The following COL25A1 variants were observed in gnomAD, a reference collection of about 807,000 sequenced individuals.
The protein encoded by COL25A1 is collagen type XXV alpha 1 chain.
In COL25A1, 103 loss-of-function variants were observed where a neutral mutation model predicts 128.4. The observed-to-expected ratio is 0.80, with a 90% CI of 0.68 to 0.94. The LOEUF is 0.94. COL25A1 is among the 40% of genes least tolerant of loss of function. The pLI, the probability that COL25A1 is intolerant of heterozygous loss-of-function variation, is 0.00. For synonymous variants in COL25A1, 279 were observed against 277.2 expected, an observed-to-expected ratio of 1.01 and a Z score of -0.06; for missense variants, 745 against 840.0, an observed-to-expected ratio of 0.89 and a Z score of 1.40.
intron 26 of COL25A1, among the ~76,000 whole-genome samples, chr4:108,851,443 T>C (rs72668330): frequency 0.059 from 8,967 of 152,250 alleles, 422 homozygotes; most frequent in Non-Finnish European, 0.093. Flanking sequence ...CGTGTGAGTG[T>C]GTGTTATGAC....
intron 3 of COL25A1, among the ~76,000 whole-genome samples, chr4:109,164,694 C>T (rs2189701): frequency 0.51 from 77,013 of 151,980 alleles, 21,970 homozygotes; most frequent in Non-Finnish European, 0.65. Context: ...AAGGATAGGA[C>T]CAAATAAAAT....
At chr4:108,890,427 T>A (rs1297643917) in intron 16 of COL25A1, among the ~76,000 whole-genome samples, 1 of 152,208 alleles carries the variant, frequency 6.6e-6, no homozygotes, top group African/African-American at 2.4e-5. Flanking sequence ...TCTGTTTTTT[T>A]ATAAGGCACT....
intron 5 of COL25A1, among the ~76,000 whole-genome samples, chr4:109,044,088 AGTGT>A (rs142400635): frequency 0.24 from 36,542 of 149,576 alleles, 5,112 homozygotes; most frequent in East Asian, 0.55. Context: ...CTCCTCTGAT[AGTGT>A]GTGTGTGTGT....
intron 3 of COL25A1, among the ~76,000 whole-genome samples, chr4:109,202,826 A>G (rs1329267240): frequency 6.6e-6 from 1 of 152,170 alleles, no homozygotes; most frequent in East Asian, 1.9e-4. Context: ...TGGAGATAAT[A>G]ATACTTTTGT....
At chr4:108,849,949 G>T (rs1030490253) in intron 26 of COL25A1, among the ~76,000 whole-genome samples, 1 of 152,096 alleles carries the variant, frequency 6.6e-6, no homozygotes, top group African/African-American at 2.4e-5. Flanking sequence ...AAAGCGGCGG[G>T]GGAAGGGCCT....
chr4:109,015,214 A>C (rs1240099970), intron 5 of COL25A1, among the ~76,000 whole-genome samples: 1 of 152,220 alleles, frequency 6.6e-6, no homozygotes, highest in African/African-American at 2.4e-5. Context: ...CATTTCCTTA[A>C]GTTGCTTCTG....
intron 6 of COL25A1, among the ~76,000 whole-genome samples, chr4:109,009,095 C>T (rs923049417): frequency 6.6e-6 from 1 of 152,152 alleles, no homozygotes; most frequent in Non-Finnish European, 1.5e-5. Context: ...GCACTCCAGC[C>T]TGGGCAACAG....
chr4:109,196,415 G>A (rs1776050537), intron 3 of COL25A1, among the ~76,000 whole-genome samples: 1 of 151,952 alleles, frequency 6.6e-6, no homozygotes, highest in Non-Finnish European at 1.5e-5. Flanking sequence ...GTATATATGT[G>A]TATATATGTA....
chr4:108,968,787 T>C (rs902756436), intron 8 of COL25A1, among the ~76,000 whole-genome samples: 3 of 152,202 alleles, frequency 2.0e-5, no homozygotes, highest in African/African-American at 4.8e-5. Flanking sequence ...CAATGAAATA[T>C]CTCATCAAGA....
intron 3 of COL25A1, among the ~76,000 whole-genome samples, chr4:109,148,234 C>T (rs892608241): frequency 6.6e-6 from 1 of 152,064 alleles, no homozygotes; most frequent in African/African-American, 2.4e-5. Context: ...ATCTTAGTGA[C>T]TAACTCTTAA....
chr4:109,083,846 T>A (rs1482208599), intron 3 of COL25A1, among the ~76,000 whole-genome samples: 4 of 152,098 alleles, frequency 2.6e-5, no homozygotes, highest in African/African-American at 9.7e-5. Context: ...AGATATAAAG[T>A]AAGAGAACAA....
At chr4:108,848,627 T>C in intron 27 of COL25A1, 132 bp downstream of exon 27, 1 of 622,532 alleles carries the variant, frequency 1.6e-6, no homozygotes, top group Non-Finnish European at 2.8e-6. Context: ...GTCAATGAAG[T>C]CTCTAGAACA....
In COL25A1 at chr4:109,231,791, G is replaced by A. The variant is rs550893211; in HGVS notation, c.367+68792C>T. On this transcript the variant is annotated intron_variant, in intron 3 of 37. Transcript: ENST00000399132. The stretch of plus-strand genomic sequence containing the variant: ...TTCAGGCAGACCTGGTCTAAACCTC[G>A]GCACTCTGTTACTAAATATGTGATT... Among the ~76,000 whole-genome samples, 24 of 152,280 alleles carry A rather than the reference G, an allele frequency of 1.6e-4. No homozygotes were observed. The South Asian group carries it at 1.7e-3, about 11-fold the overall frequency.
chr4:109,080,045 G>C (rs1684734809), intron 3 of COL25A1, among the ~76,000 whole-genome samples: 1 of 152,072 alleles, frequency 6.6e-6, no homozygotes, highest in Non-Finnish European at 1.5e-5. Context: ...TTTGCAAACT[G>C]TCATCACCAA....
At chr4:108,884,095 C>G (rs545842633) in intron 19 of COL25A1, 83 bp downstream of exon 19, 1 of 1,360,548 alleles carries the variant, frequency 7.3e-7, no homozygotes, top group African/African-American at 1.4e-5. Flanking sequence ...TTTTTAGTTT[C>G]CATTTTTCCC....
chr4:109,153,544 A>G (rs1460817094), intron 3 of COL25A1, among the ~76,000 whole-genome samples: 1 of 152,176 alleles, frequency 6.6e-6, no homozygotes, highest in Non-Finnish European at 1.5e-5. Context: ...GCCTCCAAAG[A>G]AGAGCCACAT....
intron 3 of COL25A1, among the ~76,000 whole-genome samples, chr4:109,105,340 G>A (rs1018403323): frequency 1.3e-5 from 2 of 151,998 alleles, no homozygotes; most frequent in African/African-American, 4.8e-5. Flanking sequence ...TGAGCATGGT[G>A]GTGCACACTT....
At chr4:108,971,654 T>C (rs1039301788) in intron 8 of COL25A1, among the ~76,000 whole-genome samples, 15 of 152,178 alleles carry the variant, frequency 9.9e-5, no homozygotes, top group African/African-American at 3.6e-4. Context: ...CTGGTGGGGA[T>C]GGGCAAGAGC....
At chr4:109,171,514 T>C (rs984293786) in intron 3 of COL25A1, among the ~76,000 whole-genome samples, 2 of 152,184 alleles carry the variant, frequency 1.3e-5, no homozygotes, top group Non-Finnish European at 2.9e-5. Context: ...GGCATTTTGT[T>C]ACAGCAACTC....
Sources: gnomAD v4.1 joint callset for allele counts (sites outside exome capture counted in the v4.1 genomes callset) on GRCh38, gnomAD v4.1.1 for gene constraint, MANE v1.5 for transcripts, NCBI Gene and HGNC (gene_info 2026-07-23, HGNC 2026-07-21) for gene names.